Variants in FGFR2 observed in about 807,000 individuals in gnomAD.
The protein encoded by FGFR2 is fibroblast growth factor receptor 2.
In FGFR2, 19 loss-of-function variants were observed where a neutral mutation model predicts 95.9. That is an observed-to-expected ratio of 0.20 (90% CI 0.14 to 0.29). The LOEUF is 0.29. Ranked by LOEUF, FGFR2 falls within the 10% of genes least tolerant of loss-of-function variation. The pLI, the probability that FGFR2 is intolerant of heterozygous loss-of-function variation, is 1.00. For synonymous variants in FGFR2, 392 were observed against 393.3 expected, an observed-to-expected ratio of 1.00 and a Z score of 0.04; for missense variants, 707 against 1,056.9, an observed-to-expected ratio of 0.67 and a Z score of 4.59.
rs1844391351 is a variant in FGFR2, at chr10:121,479,455, G to A, written c.*402C>T. 2.2e-6 allele frequency: 1 copy of A among 459,730 alleles called. No homozygotes were observed. Among genetic ancestry groups the A allele is most frequent in the Non-Finnish European group, 3.7e-6 (1 of 267,272 alleles). The allele number at this position is 459,730 out of a possible 1,614,324, so 28.5% of individuals were successfully genotyped here. ...TATAATATATATTTATACATAATTT[G>A]AATATATTTACATACATCCAGCACC... On this transcript the variant is annotated 3_prime_UTR_variant, in exon 18 of 18. Transcript: ENST00000358487.
At chr10:121,534,781 CCTGG>C (rs1852594628) in intron 6 of FGFR2, among the ~76,000 whole-genome samples, 1 of 152,100 alleles carries the variant, frequency 6.6e-6, no homozygotes, top group Non-Finnish European at 1.5e-5. Context: ...TCAAAAGAAT[CCTGG>C]TTTGGAAGGG....
At position 121,518,044 on chromosome 10, in the gene FGFR2, C is replaced by A; in HGVS notation, c.940-581G>T. 2.0e-6 allele frequency: 1 copy of A among 499,748 alleles called. No individual in the cohort carries two copies. The highest frequency in any genetic ancestry group is 3.9e-6 in the Non-Finnish European group (1 of 255,110). 31.0% of individuals were successfully genotyped at this position (499,748 alleles called of 1,614,324 possible). On this transcript the variant is annotated intron_variant, in intron 7 of 17. Coordinates refer to ENST00000358487, the MANE Select transcript of FGFR2 (RefSeq NM_000141.5). The surrounding 1 kb of genome is among the most constrained non-coding windows in gnomAD (Gnocchi z 4.0). ...GACAAAAAGAAATGGAAGCAAGCATCATCTTGGTAACCAAAAAAACTGGGC... is the reference window on the plus strand; with the variant it reads ...GACAAAAAGAAATGGAAGCAAGCATAATCTTGGTAACCAAAAAAACTGGGC...
intron 2 of FGFR2, among the ~76,000 whole-genome samples, chr10:121,572,632 A>C (rs1858995123): frequency 6.6e-6 from 1 of 152,138 alleles, no homozygotes; most frequent in Non-Finnish European, 1.5e-5. Flanking sequence ...CAAAAAAAAA[A>C]CACAAATAAA....
At chr10:121,597,808 A>T (rs1863684092) in intron 1 of FGFR2, among the ~76,000 whole-genome samples, 154 bp downstream of exon 1, 1 of 152,180 alleles carries the variant, frequency 6.6e-6, no homozygotes, top group Admixed American at 6.5e-5. Context: ...CCCATCACCT[A>T]TGCAGCCACA....
chr10:121,509,184 T>C (rs915763994), intron 9 of FGFR2, among the ~76,000 whole-genome samples: 2 of 152,228 alleles, frequency 1.3e-5, no homozygotes, highest in Non-Finnish European at 1.5e-5. Flanking sequence ...TTTTAACATA[T>C]TCTCTTGTTA....
At chr10:121,589,575 AAC>A (rs1186271107) in intron 2 of FGFR2, among the ~76,000 whole-genome samples, 1 of 152,206 alleles carries the variant, frequency 6.6e-6, no homozygotes, top group Non-Finnish European at 1.5e-5. Context: ...ACAAAACAGA[AAC>A]ACACACATAT....
chr10:121,496,464 T>A, intron 13 of FGFR2, 68 bp downstream of exon 13: 5 of 1,472,772 alleles, frequency 3.4e-6, no homozygotes, highest in Non-Finnish European at 4.7e-6. Flanking sequence ...CATGTCCAAA[T>A]TGCCTGTTTT....
intron 9 of FGFR2, among the ~76,000 whole-genome samples, chr10:121,507,281 C>T (rs1848437762): frequency 6.6e-6 from 1 of 152,182 alleles, no homozygotes; most frequent in African/African-American, 2.4e-5. Flanking sequence ...ACCTGGGTTT[C>T]CTCATCTGTT....
intron 12 of FGFR2, 118 bp from the exon 13 acceptor site, chr10:121,496,840 A>G: frequency 1.1e-6 from 1 of 926,804 alleles, no homozygotes; most frequent in Non-Finnish European, 1.7e-6. Flanking sequence ...TTAAAGTTTA[A>G]CATACAGCGG....
intron 5 of FGFR2, among the ~76,000 whole-genome samples, chr10:121,539,259 G>T (rs1853333140): frequency 6.6e-6 from 1 of 152,236 alleles, no homozygotes; most frequent in Non-Finnish European, 1.5e-5. Context: ...AGAAGTTTCA[G>T]CTGGGAACAT....
At chr10:121,547,562 T>C (rs544835939) in intron 5 of FGFR2, among the ~76,000 whole-genome samples, 3 of 151,902 alleles carry the variant, frequency 2.0e-5, no homozygotes, top group African/African-American at 4.8e-5. Flanking sequence ...GCCCAGCTAA[T>C]GGTTTAAATT....
chr10:121,503,349 T>A lies in FGFR2; in HGVS notation c.1439+441A>T, dbSNP rs3135777. Among the ~76,000 whole-genome samples, 70 of 152,336 alleles carry A rather than the reference T, an allele frequency of 4.6e-4. No individual in the cohort carries two copies. The East Asian group carries it at 0.013, about 29-fold the overall frequency. ...AGCCCAATATGACATTAATAACCAATGAGAACAGCAACACTGGGTAGCGGT... is the reference window on the plus strand; with the variant it reads ...AGCCCAATATGACATTAATAACCAAAGAGAACAGCAACACTGGGTAGCGGT... On this transcript the variant is annotated intron_variant, in intron 10 of 17. Coordinates refer to ENST00000358487, the MANE Select transcript of FGFR2 (RefSeq NM_000141.5).
intron 5 of FGFR2, among the ~76,000 whole-genome samples, chr10:121,546,185 TA>T (rs35408469): frequency 1.0e-3 from 139 of 135,302 alleles, no homozygotes; most frequent in Middle Eastern, 3.8e-3. Flanking sequence ...ACCTCTTTAT[TA>T]AAAAAAAAAA....
At chr10:121,511,349 A>G (rs1185200242) in intron 9 of FGFR2, among the ~76,000 whole-genome samples, 1 of 152,138 alleles carries the variant, frequency 6.6e-6, no homozygotes, top group Non-Finnish European at 1.5e-5. Flanking sequence ...GATGTGCTCG[A>G]TGTAAAACTG....
intron 12 of FGFR2, among the ~76,000 whole-genome samples, chr10:121,497,583 G>A (rs1847041439): frequency 6.6e-6 from 1 of 152,140 alleles, no homozygotes; most frequent in African/African-American, 2.4e-5. Flanking sequence ...TTTGCTTCCA[G>A]GTTTCAGCCA....
intron 5 of FGFR2, among the ~76,000 whole-genome samples, chr10:121,544,175 C>G (rs867905795): frequency 1.1e-4 from 16 of 152,236 alleles, no homozygotes; most frequent in Middle Eastern, 3.4e-3. Context: ...GGGCCGGGCA[C>G]AGTGGCTCAT....
chr10:121,519,832 T>A (rs1850237912), intron 7 of FGFR2, 147 bp downstream of exon 7: 7 of 703,120 alleles, frequency 1.0e-5, no homozygotes, highest in East Asian at 2.7e-5. Context: ...AGTGTAATGA[T>A]CTGTTAATTC....
intron 1 of FGFR2, among the ~76,000 whole-genome samples, chr10:121,594,604 T>A: frequency 6.6e-6 from 1 of 152,184 alleles, no homozygotes; most frequent in East Asian, 1.9e-4. Context: ...TGTCTTTCAG[T>A]CTTCCGCCAA....
At chr10:121,569,544 G>A (rs1590030096) in intron 2 of FGFR2, among the ~76,000 whole-genome samples, 1 of 152,170 alleles carries the variant, frequency 6.6e-6, no homozygotes, top group Non-Finnish European at 1.5e-5. Context: ...GCTATCTCCA[G>A]ATACAAAGTG....
Sources: allele counts gnomAD v4.1 joint callset (sites outside exome capture counted in the v4.1 genomes callset), GRCh38; gene constraint gnomAD v4.1.1; non-coding constraint Gnocchi (gnomAD v3.1); transcripts MANE v1.5; gene names NCBI Gene and HGNC (gene_info 2026-07-23, HGNC 2026-07-21).